Variants in AMZ1 observed in about 807,000 individuals in gnomAD.
AMZ1 encodes archaemetzincin-1.
A neutral mutation model predicts 29.9 loss-of-function variants in AMZ1; 39 were observed. The observed-to-expected ratio is 1.30, with a 90% CI of 1.01 to 1.70. The LOEUF is 1.70. Among genes scored for constraint, AMZ1 ranks in the 40% most tolerant of loss-of-function variants. AMZ1 has a pLI of 0.00. For synonymous variants in AMZ1, 458 were observed against 304.0 expected, an observed-to-expected ratio of 1.51 and a Z score of -5.27; for missense variants, 1,041 against 680.6, an observed-to-expected ratio of 1.53 and a Z score of -5.89.
chr7:2,685,120 C>T (rs1787028365), upstream of AMZ1, among the ~76,000 whole-genome samples: 1 of 151,738 alleles, frequency 6.6e-6, no homozygotes, highest in South Asian at 2.1e-4. Flanking sequence ...CCGCCCGCCT[C>T]GGCCTCCCAA....
At chr7:2,722,003 G>C (rs867685964), downstream of AMZ1, among the ~76,000 whole-genome samples, 1 of 152,178 alleles carries the variant, frequency 6.6e-6, no homozygotes, top group East Asian at 1.9e-4. Context: ...GCGCTGTAGC[G>C]ACCGTCTTGG....
chr7:2,739,873 G>C (rs543825630), intron 4 of AMZ1, among the ~76,000 whole-genome samples: 1 of 152,028 alleles, frequency 6.6e-6, no homozygotes, highest in African/African-American at 2.4e-5. Flanking sequence ...GGGTTTCACC[G>C]TGTTGGCCAG....
At chr7:2,733,770 C>T (rs73285331) in intron 4 of AMZ1, among the ~76,000 whole-genome samples, 37 of 152,240 alleles carry the variant, frequency 2.4e-4, no homozygotes, top group African/African-American at 7.2e-4. Context: ...GTGTGTGGTG[C>T]GATGCAGGCC....
At chr7:2,755,052 T>C (rs1260150027) in intron 4 of AMZ1, among the ~76,000 whole-genome samples, 5 of 152,192 alleles carry the variant, frequency 3.3e-5, no homozygotes, top group African/African-American at 4.8e-5. Flanking sequence ...CTTCACTGAG[T>C]TGCTTCTGCC....
intron 4 of AMZ1, among the ~76,000 whole-genome samples, chr7:2,732,553 C>T (rs896485416): frequency 1.3e-5 from 2 of 151,954 alleles, no homozygotes; most frequent in African/African-American, 4.8e-5. Flanking sequence ...CTCAAAAAAT[C>T]GAAAAACAAA....
chr7:2,705,465 C>T (rs1350273674), intron 3 of AMZ1, among the ~76,000 whole-genome samples: 2 of 152,186 alleles, frequency 1.3e-5, no homozygotes, highest in Non-Finnish European at 2.9e-5. Flanking sequence ...CATCACGTGG[C>T]CATCACCATA....
intron 1 of AMZ1, among the ~76,000 whole-genome samples, chr7:2,692,222 A>C (rs1012471002): frequency 6.6e-6 from 1 of 152,130 alleles, no homozygotes; most frequent in Non-Finnish European, 1.5e-5. Context: ...CCCATCTCAC[A>C]GGGAGGACAC....
At chr7:2,761,067 C>T (rs978735893), upstream of AMZ1, among the ~76,000 whole-genome samples, 4 of 152,198 alleles carry the variant, frequency 2.6e-5, no homozygotes, top group South Asian at 4.1e-4. Flanking sequence ...GAGTCAGGAA[C>T]GTAGCACGCA....
intron 6 of AMZ1, among the ~76,000 whole-genome samples, chr7:2,711,344 C>T (rs1178855324): frequency 6.6e-6 from 1 of 152,344 alleles, no homozygotes; most frequent in African/African-American, 2.4e-5. Context: ...AGTGAAATGC[C>T]TCTTGAAGAA....
intron 4 of AMZ1, among the ~76,000 whole-genome samples, chr7:2,752,091 C>CT (rs1250281390): frequency 5.8e-4 from 89 of 152,214 alleles, no homozygotes; most frequent in African/African-American, 2.0e-3. Flanking sequence ...GACACAATAT[C>CT]TTTAACAAAA....
Position 2,682,648 on chromosome 7 carries a change from A to T in AMZ1, c.-219+2977A>T, listed in dbSNP as rs552265647. ...CTGGACGTCACCTACTGCACCCAGG[A>T]GACCTCAGTGTCGGGCCATGGAAAC... On this transcript the variant is annotated intron_variant, in intron 1 of 6. Transcript: ENST00000312371. Among the ~76,000 whole-genome samples, 18 of 152,238 alleles carry T rather than the reference A, an allele frequency of 1.2e-4. 1 individual carries two copies. In the South Asian group the frequency reaches 3.5e-3, roughly 30 times the overall value.
intron 6 of AMZ1, among the ~76,000 whole-genome samples, chr7:2,710,318 C>T (rs1223358726): frequency 1.3e-5 from 2 of 152,250 alleles, no homozygotes; most frequent in East Asian, 1.9e-4. Flanking sequence ...CGTCCGTATT[C>T]ATGGACATTT....
Position 2,712,515 on chromosome 7 carries a change from C to T in AMZ1, c.1134C>T (p.Ala378=), listed in dbSNP as rs750082693. ...LTPDAGSHTF[A]SGPEEGLSYL... ...CTGATGCCGGGAGTCACACCTTCGCCTCGGGGCCAGAGGAAGGGCTGAGCT... is the reference window on the plus strand; with the variant it reads ...CTGATGCCGGGAGTCACACCTTCGCTTCGGGGCCAGAGGAAGGGCTGAGCT... The change falls in exon 7 of 7, where the codon GCC becomes GCT. Residue 378 remains alanine, a synonymous_variant. Coordinates refer to ENST00000683327, the MANE Select transcript of AMZ1 (RefSeq NM_001384743.1). 4 of 1,608,702 alleles carry T rather than the reference C, an allele frequency of 2.5e-6. No individual in the cohort carries two copies. The highest frequency in any genetic ancestry group is 2.5e-6 in the Non-Finnish European group (3 of 1,178,006).
At chr7:2,743,220 C>T (rs182623581) in intron 4 of AMZ1, among the ~76,000 whole-genome samples, 1 of 152,196 alleles carries the variant, frequency 6.6e-6, no homozygotes, top group Non-Finnish European at 1.5e-5. Flanking sequence ...CTGCTGTGAT[C>T]TAAGCAACCA....
Position 2,717,808 on chromosome 7 carries a change from G to A in AMZ1, c.*4930G>A, listed in dbSNP as rs776114633. On this transcript the variant is annotated 3_prime_UTR_variant, in exon 7 of 7. Transcript: ENST00000683327. ...GAATGGAGGTTTATTTTTGAACTCAGCTTCTTGGGTAGGGAGGCAAATGAA... is the reference window on the plus strand; with the variant it reads ...GAATGGAGGTTTATTTTTGAACTCAACTTCTTGGGTAGGGAGGCAAATGAA... 6.6e-6 allele frequency among the ~76,000 whole-genome samples: 1 copy of A among 152,212 alleles called. No individual in the cohort carries two copies. The highest frequency in any genetic ancestry group is 1.5e-5 in the Non-Finnish European group (1 of 68,036).
chr7:2,697,351 C>T (rs575114682), intron 1 of AMZ1, among the ~76,000 whole-genome samples: 3 of 152,278 alleles, frequency 2.0e-5, no homozygotes, highest in African/African-American at 7.2e-5. Context: ...GCAGCCTCGG[C>T]CTCCCAAAGT....
At position 2,717,860 on chromosome 7, in the gene AMZ1, T is replaced by A. The variant is rs1205637081; in HGVS notation, c.*4982T>A. On this transcript the variant is annotated 3_prime_UTR_variant, in exon 7 of 7. Coordinates refer to ENST00000683327, the MANE Select transcript of AMZ1 (RefSeq NM_001384743.1). ...ACAGGCTGATGTCAGGGGTTTATTTTAAAAAGCAATTTCCAAGAAGCGTCC... is the reference window on the plus strand; with the variant it reads ...ACAGGCTGATGTCAGGGGTTTATTTAAAAAAGCAATTTCCAAGAAGCGTCC... 1.3e-5 allele frequency among the ~76,000 whole-genome samples: 2 copies of A among 152,132 alleles called. No homozygotes were observed. The highest frequency in any genetic ancestry group is 4.8e-5 in the African/African-American group (2 of 41,428).
intron 3 of AMZ1, among the ~76,000 whole-genome samples, chr7:2,705,246 C>T (rs557985503): frequency 3.1e-4 from 47 of 152,268 alleles, no homozygotes; most frequent in African/African-American, 1.0e-3. Context: ...TTCTGATGGT[C>T]CCCAGGGCTC....
intron 4 of AMZ1, among the ~76,000 whole-genome samples, chr7:2,732,125 T>C (rs1789927557): frequency 6.6e-6 from 1 of 152,254 alleles, no homozygotes; most frequent in Non-Finnish European, 1.5e-5. Context: ...AACCTTACTG[T>C]GAATTAATTT....
Sources: allele counts gnomAD v4.1 joint callset (sites outside exome capture counted in the v4.1 genomes callset), GRCh38; gene constraint gnomAD v4.1.1; transcripts MANE v1.5; gene names NCBI Gene and HGNC (gene_info 2026-07-23, HGNC 2026-07-21).